TNRC6B: variants seen among roughly 807,000 people sequenced by gnomAD.
TNRC6B encodes trinucleotide repeat-containing gene 6B protein.
In TNRC6B, 52 loss-of-function variants were observed where a neutral mutation model predicts 203.6. The observed-to-expected ratio is 0.26, with a 90% CI of 0.20 to 0.32. TNRC6B has a LOEUF of 0.32. Among genes scored for constraint, TNRC6B ranks in the 10% least tolerant of loss-of-function variants. The pLI is 1.00. For synonymous variants in TNRC6B, 838 were observed against 845.7 expected (o/e 0.99, Z 0.16); for missense variants, 1,923 against 2,286.2 (o/e 0.84, Z 3.24).
chr22:40,170,401 T>A lies in TNRC6B; in HGVS notation c.113+14219T>A, dbSNP rs1157980865. Among the ~76,000 whole-genome samples, 13 of 47,904 alleles carry A rather than the reference T, an allele frequency of 2.7e-4. No individual in the cohort carries two copies. In the South Asian group the frequency reaches 2.9e-3, roughly 11 times the overall value. The allele number at this position is 47,904 out of a possible 152,430, so 31.4% of individuals were successfully genotyped here. On this transcript the variant is annotated intron_variant, in intron 4 of 23. Coordinates refer to the TNRC6B transcript ENST00000301923. ...ATTATATATATAGTTTATATATATA[T>A]TATATATATAGTTTATATATATATT...
chr22:40,302,155 C>T (rs2071032127), intron 15 of TNRC6B, among the ~76,000 whole-genome samples: 1 of 152,092 alleles, frequency 6.6e-6, no homozygotes, highest in African/African-American at 2.4e-5. Context: ...AATTTTTTGG[C>T]AGGCAAATCA....
At chr22:40,223,187 C>CTGGA (rs2069738568) in intron 1 of TNRC6B, among the ~76,000 whole-genome samples, 1 of 151,946 alleles carries the variant, frequency 6.6e-6, no homozygotes, top group African/African-American at 2.4e-5. Context: ...GTTGCCCAGG[C>CTGGA]TGGAGTGCAA....
intron 4 of TNRC6B, among the ~76,000 whole-genome samples, chr22:40,171,477 A>G (rs2068998038): frequency 6.6e-6 from 1 of 152,176 alleles, no homozygotes; most frequent in Non-Finnish European, 1.5e-5. Flanking sequence ...GCTAAATTTA[A>G]CAATGAATGG....
At chr22:40,089,654 C>G (rs906860660) in intron 1 of TNRC6B, among the ~76,000 whole-genome samples, 1 of 152,124 alleles carries the variant, frequency 6.6e-6, no homozygotes, top group Non-Finnish European at 1.5e-5. Context: ...ACATCCCACA[C>G]CAGAAAGGTC....
Position 40,270,242 on chromosome 22 carries a change from G to A in TNRC6B, c.2927G>A (p.Gly976Glu). Reference sequence around the variant, plus strand: ...ACAGGAGCATCGACCACAGGCTGGGGGAACACGCCCGCCAACGCTCCCAAT... The same window carrying A: ...ACAGGAGCATCGACCACAGGCTGGGAGAACACGCCCGCCAACGCTCCCAAT... ...DDTGASTTGW[G>E]NTPANAPNAM... is the part of the protein sequence containing the mutation. The change falls in exon 6 of 23, where the codon GGG becomes GAG. Residue 976 changes from glycine to glutamate, a missense_variant. By Grantham distance (98) the Gly-to-Glu change is moderately conservative. This residue lies in a region of TNRC6B where 599 missense variants were observed against 656.5 expected (regional missense o/e 0.91). Transcript: ENST00000454349. 1 of 1,499,872 alleles carries A rather than the reference G, an allele frequency of 6.7e-7. No individual in the cohort carries two copies. The highest frequency in any genetic ancestry group is 8.9e-7 in the Non-Finnish European group (1 of 1,118,216). The allele number at this position is 1,499,872 out of a possible 1,614,324, so 92.9% of individuals were successfully genotyped here. A position where few individuals can be genotyped will look rare whatever the true frequency, so the allele number is the denominator to read the frequency against.
intron 15 of TNRC6B, among the ~76,000 whole-genome samples, chr22:40,306,128 T>G (rs963903054): frequency 1.3e-5 from 2 of 151,810 alleles, no homozygotes; most frequent in African/African-American, 2.4e-5. Context: ...CCGTCTCTAC[T>G]AAAAATACAA....
intron 3 of TNRC6B, among the ~76,000 whole-genome samples, chr22:40,153,922 T>A (rs936365522): frequency 6.6e-6 from 1 of 151,082 alleles, no homozygotes; most frequent in Non-Finnish European, 1.5e-5. Flanking sequence ...AGGGAATAAT[T>A]CCATTTATGA....
At chr22:40,143,893 G>GTCAAAAAA in intron 3 of TNRC6B, among the ~76,000 whole-genome samples, 1 of 152,214 alleles carries the variant, frequency 6.6e-6, no homozygotes, top group African/African-American at 2.4e-5. Flanking sequence ...AGTTAGAAAA[G>GTCAAAAAA]GTCAAACAAC....
intron 4 of TNRC6B, among the ~76,000 whole-genome samples, chr22:40,264,464 G>C (rs1359941273): frequency 6.6e-6 from 1 of 152,162 alleles, no homozygotes; most frequent in Non-Finnish European, 1.5e-5. Flanking sequence ...GAATGGCAAA[G>C]GACGTAGCTT....
chr22:40,085,848 CTGTTGT>C (rs3044441), intron 1 of TNRC6B, among the ~76,000 whole-genome samples: 4,374 of 149,204 alleles, frequency 0.029, 109 homozygotes, highest in African/African-American at 0.073. Flanking sequence ...TTTGTTGTTG[CTGTTGT>C]TGTTGTTGTT....
intron 2 of TNRC6B, among the ~76,000 whole-genome samples, chr22:40,124,568 C>T (rs997590244): frequency 2.0e-5 from 3 of 152,154 alleles, no homozygotes; most frequent in Non-Finnish European, 4.4e-5. Context: ...CCACCTGCCT[C>T]AGCCTCCCAA....
intron 15 of TNRC6B, among the ~76,000 whole-genome samples, chr22:40,305,961 T>C (rs2071083256): frequency 6.6e-6 from 1 of 152,152 alleles, no homozygotes; most frequent in African/African-American, 2.4e-5. Flanking sequence ...GCATTTCATT[T>C]GTCACCAAAA....
At chr22:40,086,429 C>T (rs1232254041) in intron 1 of TNRC6B, among the ~76,000 whole-genome samples, 3 of 152,170 alleles carry the variant, frequency 2.0e-5, no homozygotes, top group Admixed American at 1.3e-4. Flanking sequence ...CCATCCTTGA[C>T]TAGTGAGAGG....
chr22:40,129,409 G>A (rs762815336), intron 3 of TNRC6B, among the ~76,000 whole-genome samples: 3 of 152,318 alleles, frequency 2.0e-5, no homozygotes, highest in Non-Finnish European at 2.9e-5. Flanking sequence ...GAGAAGGCAC[G>A]TGCAGCTGTT....
chr22:40,212,000 G>A (rs754855145), intron 1 of TNRC6B, among the ~76,000 whole-genome samples: 29 of 152,198 alleles, frequency 1.9e-4, no homozygotes, highest in Non-Finnish European at 2.9e-4. Context: ...AATTACAAAT[G>A]TGGTTGTCTA....
At chr22:40,189,099 G>A (rs923519148) in intron 1 of TNRC6B, among the ~76,000 whole-genome samples, 2 of 152,064 alleles carry the variant, frequency 1.3e-5, no homozygotes, top group African/African-American at 4.8e-5. Context: ...TTAAAAAAAC[G>A]TTAATTTGTT....
chr22:40,210,032 AG>A (rs1263770269), intron 1 of TNRC6B, among the ~76,000 whole-genome samples: 2 of 144,020 alleles, frequency 1.4e-5, no homozygotes, highest in African/African-American at 2.6e-5. Flanking sequence ...AAAAAAAAAA[AG>A]AGAGAATGCA....
intron 2 of TNRC6B, among the ~76,000 whole-genome samples, chr22:40,120,155 C>G (rs2068430283): frequency 1.3e-5 from 2 of 152,028 alleles, no homozygotes; most frequent in Non-Finnish European, 2.9e-5. Flanking sequence ...CTCACAAGTT[C>G]AGGACTAGCC....
At chr22:40,051,202 A>C (rs145834790) in intron 1 of TNRC6B, among the ~76,000 whole-genome samples, 2 of 152,314 alleles carry the variant, frequency 1.3e-5, no homozygotes, top group East Asian at 3.9e-4. Context: ...AAGTCTTGCC[A>C]CAGTGAGATA....
Sources: allele counts gnomAD v4.1 joint callset (sites outside exome capture counted in the v4.1 genomes callset), GRCh38; gene constraint gnomAD v4.1.1; regional missense constraint gnomAD v4.1.1; transcripts MANE v1.5; gene names NCBI Gene and HGNC (gene_info 2026-07-23, HGNC 2026-07-21).